The following SFXN5 variants were observed in gnomAD, a reference collection of about 807,000 sequenced individuals.
SFXN5 encodes the protein sideroflexin-5.
In SFXN5, 43 loss-of-function variants were observed where a neutral mutation model predicts 50.2. That is an observed-to-expected ratio of 0.86 (90% CI 0.67 to 1.11). SFXN5 has a LOEUF of 1.11. SFXN5 is among the 50% of genes least tolerant of loss of function. SFXN5 has a pLI of 0.00. For missense variants in SFXN5, 463 were observed against 454.1 expected (o/e 1.02, Z -0.18); for synonymous variants, 203 against 185.8 (o/e 1.09, Z -0.75).
chr2:72,979,906 A>ATAC (rs1366429755), intron 10 of SFXN5, among the ~76,000 whole-genome samples: 1 of 152,216 alleles, frequency 6.6e-6, no homozygotes, highest in Non-Finnish European at 1.5e-5. Flanking sequence ...GGAGGGATAT[A>ATAC]TACTAAATGA....
rs758165688 is a variant in SFXN5, at chr2:73,071,686, G to A, written c.20C>T (p.Thr7Ile). ...GGCACTAGCCGCCGCCGCCGATGCT[G>A]TAGTCGCTGTATCCGCCATGGCCAC... MADTAT[T>I]ASAAAASAAS... The change falls in exon 1 of 14, where the codon ACA becomes ATA. Residue 7 changes from threonine to isoleucine, a missense_variant. Coordinates refer to ENST00000272433, the MANE Select transcript of SFXN5 (RefSeq NM_144579.3). The A allele has an allele frequency of 2.5e-6, 4 of 1,613,028 alleles. No homozygotes were observed. Among genetic ancestry groups the A allele is most frequent in the Middle Eastern group, 1.7e-4 (1 of 6,058 alleles).
chr2:72,985,385 G>C (rs927851882), intron 10 of SFXN5, among the ~76,000 whole-genome samples: 12 of 152,158 alleles, frequency 7.9e-5, no homozygotes, highest in African/African-American at 2.2e-4. Context: ...AAGGTGAAGA[G>C]AGGCCAAGTA....
chr2:72,947,130 A>C (rs1296892749), intron 13 of SFXN5, among the ~76,000 whole-genome samples: 4 of 152,054 alleles, frequency 2.6e-5, no homozygotes, highest in Non-Finnish European at 4.4e-5. Flanking sequence ...AGCTCCCTGA[A>C]CTTCTCATAC....
intron 9 of SFXN5, among the ~76,000 whole-genome samples, chr2:72,996,185 A>C (rs1229434766): frequency 1.3e-5 from 2 of 152,096 alleles, no homozygotes; most frequent in African/African-American, 2.4e-5. Flanking sequence ...ACTTGTGAGG[A>C]GGGAGAGTGC....
At chr2:73,038,156 G>A (rs1379938229) in intron 3 of SFXN5, among the ~76,000 whole-genome samples, 6 of 152,200 alleles carry the variant, frequency 3.9e-5, no homozygotes, top group African/African-American at 7.2e-5. Context: ...AGGCTACCTC[G>A]TAGGTAGAGC....
chr2:73,050,376 C>T (rs1260724773), intron 2 of SFXN5, among the ~76,000 whole-genome samples: 2 of 99,338 alleles, frequency 2.0e-5, no homozygotes, highest in Admixed American at 2.1e-4. Context: ...GAGGTAGCGC[C>T]GCAGCCACAG....
At chr2:73,041,838 G>A (rs1173414030) in intron 2 of SFXN5, among the ~76,000 whole-genome samples, 1 of 152,070 alleles carries the variant, frequency 6.6e-6, no homozygotes, top group African/African-American at 2.4e-5. Context: ...AAGTAGCTGG[G>A]ATTATACACA....
At chr2:72,947,056 C>T (rs553956266) in intron 13 of SFXN5, among the ~76,000 whole-genome samples, 103 of 152,326 alleles carry the variant, frequency 6.8e-4, no homozygotes, top group African/African-American at 2.1e-3. Context: ...CATCATCTTT[C>T]GTGTCTCAGC....
intron 2 of SFXN5, chr2:73,044,529 T>A (rs1328167218): frequency 1.3e-5 from 2 of 152,342 alleles, no homozygotes; most frequent in Non-Finnish European, 2.9e-5. Flanking sequence ...AGAGTCTCCC[T>A]GTTTAAACTC....
Position 72,973,287 on chromosome 2 carries a change from G to T in SFXN5, c.626-1602C>A. ...ACCATGGGCAGTCCCTCTGTGTCCC[G>T]GGCTCTCCTGCCCCACAACAGGCAT... On this transcript the variant is annotated intron_variant, in intron 10 of 13. Transcript: ENST00000272433. The surrounding 1 kb of genome is among the most constrained non-coding windows in gnomAD (Gnocchi z 5.5). 5.9e-6 allele frequency: 1 copy of T among 168,550 alleles called. No homozygotes were observed. 10.4% of individuals were successfully genotyped at this position (168,550 alleles called of 1,614,324 possible).
chr2:72,984,179 T>C (rs999371894), intron 10 of SFXN5, among the ~76,000 whole-genome samples: 4 of 152,184 alleles, frequency 2.6e-5, no homozygotes, highest in Non-Finnish European at 5.9e-5. Context: ...AACATCTCCA[T>C]GTATAAATAG....
chr2:73,040,943 A>G lies in SFXN5; in HGVS notation c.172-12T>C. On this transcript the variant is annotated splice_polypyrimidine_tract_variant and intron_variant, in intron 2 of 13. Transcript: ENST00000272433. ...TCTCTGAGACGTCTCTGCAGAAGAA[A>G]GAAAAGAGACATTGAGGGGCACAGA... is the stretch of plus-strand genomic sequence containing the variant. 6.2e-7 allele frequency: 1 copy of G among 1,610,818 alleles called. No individual in the cohort carries two copies. Among genetic ancestry groups the G allele is most frequent in the Middle Eastern group, 1.7e-4 (1 of 6,046 alleles).
intron 1 of SFXN5, among the ~76,000 whole-genome samples, chr2:73,070,148 T>C (rs961081497): frequency 3.9e-5 from 6 of 152,082 alleles, no homozygotes; most frequent in African/African-American, 1.4e-4. Flanking sequence ...ACGAGCAGAA[T>C]GGGGGTGGGA....
intron 2 of SFXN5, among the ~76,000 whole-genome samples, chr2:73,052,767 C>G (rs1319288580): frequency 1.3e-5 from 2 of 152,172 alleles, no homozygotes; most frequent in African/African-American, 4.8e-5. Flanking sequence ...ATTCCCTGGC[C>G]TACAGAGAAG....
chr2:72,964,198 A>G (rs1401946904), intron 12 of SFXN5, among the ~76,000 whole-genome samples: 1 of 152,176 alleles, frequency 6.6e-6, no homozygotes, highest in African/African-American at 2.4e-5. Flanking sequence ...TTCCTTCAGC[A>G]CTTGGAGCGC....
rs373440798 is a variant in SFXN5 at position 73,060,955 on chromosome 2, C to A, written c.103-2359G>T. Among the ~76,000 whole-genome samples, 180 of 152,022 alleles carry A rather than the reference C, an allele frequency of 1.2e-3. 1 individual carries two copies. Among genetic ancestry groups the A allele is most frequent in the African/African-American group, 4.2e-3 (175 of 41,536 alleles). ...TGACCTCATGATCTGCCCACCTCGG[C>A]CTCCCGAAGTGCTGGGATTACAGGC... On this transcript the variant is annotated intron_variant, in intron 1 of 13. Coordinates refer to ENST00000272433, the MANE Select transcript of SFXN5 (RefSeq NM_144579.3).
At chr2:73,022,076 A>G (rs1466810055) in intron 5 of SFXN5, among the ~76,000 whole-genome samples, 1 of 152,190 alleles carries the variant, frequency 6.6e-6, no homozygotes, top group Non-Finnish European at 1.5e-5. Context: ...AGGATCAGAG[A>G]ACAGAGAATT....
chr2:73,014,950 C>T (rs1036994203), intron 6 of SFXN5, among the ~76,000 whole-genome samples: 1 of 151,864 alleles, frequency 6.6e-6, no homozygotes, highest in Non-Finnish European at 1.5e-5. Flanking sequence ...TTTATTTTTT[C>T]ATGTCTTACT....
chr2:72,999,477 C>T (rs1484866267), intron 8 of SFXN5, among the ~76,000 whole-genome samples: 1 of 152,018 alleles, frequency 6.6e-6, no homozygotes, highest in Admixed American at 6.6e-5. Context: ...CAGATGATAG[C>T]TGCCCAATAT....
Sources: allele counts gnomAD v4.1 joint callset (sites outside exome capture counted in the v4.1 genomes callset), GRCh38; gene constraint gnomAD v4.1.1; non-coding constraint Gnocchi (gnomAD v3.1); transcripts MANE v1.5; gene names NCBI Gene and HGNC (gene_info 2026-07-23, HGNC 2026-07-21).